The following EML1 variants were observed in gnomAD, a reference collection of about 807,000 sequenced individuals.
EML1 encodes EMAP like 1.
In EML1, 27 loss-of-function variants were observed where a neutral mutation model predicts 110.4. The ratio of observed to expected loss-of-function variants is 0.24; its 90% CI spans 0.18 to 0.34. The LOEUF (loss-of-function observed/expected upper bound fraction) is 0.34. Among genes scored for constraint, EML1 ranks in the 10% least tolerant of loss-of-function variants. The pLI is 1.00. For missense variants in EML1, 741 were observed against 1,030.9 expected (o/e 0.72, Z 3.85); for synonymous variants, 344 against 385.8 (o/e 0.89, Z 1.27).
chr14:99,846,281 A>T (rs1249191073), intron 1 of EML1, among the ~76,000 whole-genome samples: 45 of 109,940 alleles, frequency 4.1e-4, no homozygotes, highest in Middle Eastern at 5.6e-3. Context: ...CCAGCTGGTG[A>T]TTTTTTTTTT....
At chr14:99,798,848 T>C (rs2057824078) in intron 1 of EML1, among the ~76,000 whole-genome samples, 1 of 152,008 alleles carries the variant, frequency 6.6e-6, no homozygotes, top group South Asian at 2.1e-4. Context: ...TTTTTGAGGG[T>C]AAGTTTCCTC....
At chr14:99,828,547 C>A (rs1246916400) in intron 1 of EML1, among the ~76,000 whole-genome samples, 1 of 152,096 alleles carries the variant, frequency 6.6e-6, no homozygotes, top group African/African-American at 2.4e-5. Context: ...ATTACTTAAT[C>A]TCTTACAGTG....
chr14:99,933,606 G>C (rs143743802), intron 17 of EML1, among the ~76,000 whole-genome samples: 1 of 152,354 alleles, frequency 6.6e-6, no homozygotes, highest in East Asian at 1.9e-4. Context: ...GAGTCAGATT[G>C]CCTGGGTTTC....
chr14:99,939,383 C>G lies in EML1; in HGVS notation c.2322+56C>G, dbSNP rs956227115. On this transcript the variant is annotated intron_variant, in intron 21 of 21. Transcript: ENST00000262233. This position sits in a 1 kb window ranked among gnomAD's most constrained non-coding sequence, Gnocchi z 4.2. Reference sequence around the variant, plus strand: ...CCCCCATGGGGCATGCACGTACACCCGACCTGTTTGGAGACTAAGTGGAAA... The same window carrying G: ...CCCCCATGGGGCATGCACGTACACCGGACCTGTTTGGAGACTAAGTGGAAA... The G allele has an allele frequency of 2.2e-5, 36 of 1,600,040 alleles. No individual in the cohort carries two copies. Among genetic ancestry groups the G allele is most frequent in the African/African-American group, 1.1e-4 (8 of 74,602 alleles).
At chr14:99,787,616 C>T (rs1042791443) in intron 1 of EML1, among the ~76,000 whole-genome samples, 4 of 152,102 alleles carry the variant, frequency 2.6e-5, no homozygotes, top group Non-Finnish European at 1.5e-5. Context: ...TTGATCTGCT[C>T]GGACTCCCTT....
intron 3 of EML1, among the ~76,000 whole-genome samples, chr14:99,870,059 CAGTT>C (rs1415357721): frequency 2.0e-5 from 3 of 152,196 alleles, no homozygotes; most frequent in African/African-American, 4.8e-5. Context: ...TTGTTCCAAA[CAGTT>C]AGCCAAGTTA....
chr14:99,855,220 AGTACT>A (rs1425344894), intron 2 of EML1, among the ~76,000 whole-genome samples: 4 of 152,252 alleles, frequency 2.6e-5, no homozygotes, highest in African/African-American at 9.6e-5. Context: ...ACTGGAATGA[AGTACT>A]GTATAGCAAA....
At chr14:99,769,374 G>T (rs963659031), upstream of EML1, among the ~76,000 whole-genome samples, 20 of 152,300 alleles carry the variant, frequency 1.3e-4, no homozygotes, top group African/African-American at 4.6e-4. Context: ...CCAGCAGGAG[G>T]TGGCCCTTTG....
chr14:99,791,204 T>C (rs2057666669), upstream of EML1, among the ~76,000 whole-genome samples: 1 of 152,146 alleles, frequency 6.6e-6, no homozygotes, highest in South Asian at 2.1e-4. Flanking sequence ...CCCTCTCCCT[T>C]TGATATCCAG....
intron 1 of EML1, among the ~76,000 whole-genome samples, chr14:99,746,392 G>C (rs1595229768): frequency 6.6e-6 from 1 of 152,158 alleles, no homozygotes; most frequent in East Asian, 1.9e-4. Flanking sequence ...GAGGTCTCAG[G>C]GGGCACCTAT....
At chr14:99,829,486 T>A (rs2058414802) in intron 1 of EML1, among the ~76,000 whole-genome samples, 1 of 152,242 alleles carries the variant, frequency 6.6e-6, no homozygotes, top group Non-Finnish European at 1.5e-5. Context: ...GTAACAAAAT[T>A]TGTGATTTTA....
rs1173993969 is a variant in EML1 at position 99,923,359 on chromosome 14, TA to T, written c.1909+2483del. Among the ~76,000 whole-genome samples, 5 of 152,346 alleles carry T rather than the reference TA, an allele frequency of 3.3e-5. No homozygotes were observed. In the East Asian group the frequency reaches 7.7e-4, roughly 23 times the overall value. ...TTGGGGTCGTATCCAAGATCATGAA[TA>T]TTTCCTTGTATGCTTTCTTTTAGAA... On this transcript the variant is annotated intron_variant, in intron 17 of 21. Coordinates refer to ENST00000262233, the MANE Select transcript of EML1 (RefSeq NM_004434.3).
At chr14:99,864,401 C>T (rs2059056692) in intron 2 of EML1, among the ~76,000 whole-genome samples, 1 of 152,128 alleles carries the variant, frequency 6.6e-6, no homozygotes, top group Admixed American at 6.5e-5. Context: ...TATCTAAAAA[C>T]TCATCACCAA....
intron 1 of EML1, among the ~76,000 whole-genome samples, chr14:99,798,612 G>A (rs937666744): frequency 2.0e-5 from 3 of 151,980 alleles, no homozygotes; most frequent in South Asian, 2.1e-4. Flanking sequence ...GGCTGGTCTC[G>A]AAGTCATGAC....
chr14:99,824,816 C>A (rs577144632), intron 1 of EML1, among the ~76,000 whole-genome samples: 1 of 152,278 alleles, frequency 6.6e-6, no homozygotes, highest in African/African-American at 2.4e-5. Context: ...TATTATTCCA[C>A]TGTGTGTCCA....
At chr14:99,829,643 C>T (rs1595352077) in intron 1 of EML1, among the ~76,000 whole-genome samples, 1 of 152,200 alleles carries the variant, frequency 6.6e-6, no homozygotes, top group Non-Finnish European at 1.5e-5. Context: ...TCCCGCCTCC[C>T]AGCCCGTGGT....
chr14:99,916,251 T>G (rs1451217443), intron 15 of EML1, among the ~76,000 whole-genome samples: 1 of 152,200 alleles, frequency 6.6e-6, no homozygotes, highest in Non-Finnish European at 1.5e-5. Flanking sequence ...TTCTCAAAAT[T>G]GTTACGAGGC....
At chr14:99,886,631 C>T (rs551790305) in intron 4 of EML1, among the ~76,000 whole-genome samples, 9 of 152,330 alleles carry the variant, frequency 5.9e-5, no homozygotes, top group East Asian at 5.8e-4. Flanking sequence ...TCAAACAGCA[C>T]GTGGCTCCTA....
In EML1 at chr14:99,803,950, G is replaced by A. The variant is rs561699363; in HGVS notation, c.67+10407G>A. Among the ~76,000 whole-genome samples, 34 of 152,280 alleles carry A rather than the reference G, an allele frequency of 2.2e-4. 1 individual carries two copies. The highest frequency in any genetic ancestry group is 7.7e-4 in the African/African-American group (32 of 41,546). Reference sequence around the variant, plus strand: ...ATGATGCTTTATCTACTATTGAGTCGCTTATGCTTACCAATCCTGTATGCA... The same window carrying A: ...ATGATGCTTTATCTACTATTGAGTCACTTATGCTTACCAATCCTGTATGCA... On this transcript the variant is annotated intron_variant, in intron 1 of 21. Coordinates refer to ENST00000262233, the MANE Select transcript of EML1 (RefSeq NM_004434.3).
Sources: gnomAD v4.1 joint callset for allele counts (sites outside exome capture counted in the v4.1 genomes callset) on GRCh38, gnomAD v4.1.1 for gene constraint, Gnocchi (gnomAD v3.1) non-coding constraint, MANE v1.5 for transcripts, NCBI Gene and HGNC (gene_info 2026-07-23, HGNC 2026-07-21) for gene names.